Variants in SLC6A12 observed in about 807,000 individuals in gnomAD.
SLC6A12 encodes solute carrier family 6 member 12, also known as sodium- and chloride-dependent betaine transporter.
A neutral mutation model predicts 73.3 loss-of-function variants in SLC6A12; 50 were observed. The ratio of observed to expected loss-of-function variants is 0.68; its 90% CI spans 0.54 to 0.86. The LOEUF (loss-of-function observed/expected upper bound fraction) is 0.86. Among genes scored for constraint, SLC6A12 ranks in the 40% least tolerant of loss-of-function variants. The pLI is 0.00. For missense variants in SLC6A12, 648 were observed against 772.8 expected (o/e 0.84, Z 1.92); for synonymous variants, 304 against 309.2 (o/e 0.98, Z 0.18).
At chr12:184,149 GAAT>G in the SLC6A12 span, among the ~76,000 whole-genome samples, 1 of 151,838 alleles carries the variant, frequency 6.6e-6, no homozygotes, top group Non-Finnish European at 1.5e-5. Flanking sequence ...ACAGATGATT[GAAT>G]ATTAGAAAAA....
At position 196,854 on chromosome 12, in the gene SLC6A12, G is replaced by A. The variant is rs1357300706; in HGVS notation, c.1104C>T (p.Pro368=). The change falls in exon 11 of 16, where the codon CCC becomes CCT. Residue 368 remains proline (P), a synonymous_variant. Transcript: ENST00000684302. ...ATAAGGGCATCATAGTCACAGCCTT[G>A]GGGAAGGCGATGAAGGCCAGCCCAG... The part of the protein sequence containing the change: ...SGPGLAFIAF[P]KAVTMMPLSQ... 1 of 1,613,812 alleles carries A rather than the reference G, an allele frequency of 6.2e-7. No individual in the cohort carries two copies. The highest frequency in any genetic ancestry group is 1.1e-5 in the South Asian group (1 of 91,072).
intron 7 of SLC6A12, among the ~76,000 whole-genome samples, chr12:200,220 T>C (rs558483450): frequency 1.3e-5 from 2 of 149,392 alleles, no homozygotes; most frequent in Admixed American, 6.7e-5. Context: ...GCCATTCTCC[T>C]GCCTCAGCCT....
At chr12:201,662 C>T (rs963011343) in intron 6 of SLC6A12, 100 bp downstream of exon 6, 1 of 932,270 alleles carries the variant, frequency 1.1e-6, no homozygotes, top group African/African-American at 1.6e-5. Flanking sequence ...TGCTGGAAAG[C>T]ACACACAGAA....
chr12:186,306 G>A (rs1018343484), downstream of SLC6A12, among the ~76,000 whole-genome samples: 1 of 152,204 alleles, frequency 6.6e-6, no homozygotes, highest in Admixed American at 6.5e-5. Flanking sequence ...CATGAGAGGA[G>A]CCGAGGCCTT....
At chr12:186,386 T>C (rs1939428473), downstream of SLC6A12, among the ~76,000 whole-genome samples, 1 of 152,180 alleles carries the variant, frequency 6.6e-6, no homozygotes. Flanking sequence ...GGATAGGTAT[T>C]ATCTACTGCT....
intron 14 of SLC6A12, 85 bp downstream of exon 14, chr12:193,192 G>T: frequency 1.1e-6 from 1 of 946,980 alleles, no homozygotes; most frequent in Non-Finnish European, 1.7e-6. Flanking sequence ...TGGGGAAAGA[G>T]CCCTGCATGT....
chr12:192,689 GA>G, intron 14 of SLC6A12, 41 bp from the exon 15 acceptor site: 1 of 1,588,668 alleles, frequency 6.3e-7, no homozygotes, highest in African/African-American at 1.3e-5. Flanking sequence ...GATAGGGGGC[GA>G]CTGAAACCCT....
chr12:185,361 C>T (rs781436105), downstream of SLC6A12, among the ~76,000 whole-genome samples: 8 of 152,218 alleles, frequency 5.3e-5, no homozygotes, highest in East Asian at 1.9e-4. Context: ...TCCCTGTGCC[C>T]GTGTCTTAGT....
Position 200,750 on chromosome 12 carries a change from A to T in SLC6A12, c.612T>A (p.His204Gln). Residue 204 changes from histidine (H) to glutamine (Q), a missense_variant, in exon 7 of 16, where the codon CAT becomes CAA. Physicochemically the swap from His to Gln is conservative, Grantham distance 24 (BLOSUM62 0). Coordinates refer to ENST00000684302, the MANE Select transcript of SLC6A12 (RefSeq NM_001122848.3). ...RRVLGITSGI[H>Q]DLGSLRWELA... ...GCTCCCAGCGCAGGGAGCCCAGGTC[A>T]TGGATGCCCGAGGTGATGCCCAGAA... 1.2e-6 allele frequency: 2 copies of T among 1,614,052 alleles called. No individual in the cohort carries two copies. Among genetic ancestry groups the T allele is most frequent in the Non-Finnish European group, 1.7e-6 (2 of 1,179,982 alleles).
chr12:210,288 G>A (rs947675920), intron 2 of SLC6A12: 7 of 1,192,450 alleles, frequency 5.9e-6, no homozygotes, highest in South Asian at 1.7e-5. Flanking sequence ...GAGTGGAACC[G>A]TGATGAAAAC....
At chr12:186,888 C>T (rs1461513552), downstream of SLC6A12, among the ~76,000 whole-genome samples, 1 of 152,178 alleles carries the variant, frequency 6.6e-6, no homozygotes, top group African/African-American at 2.4e-5. Flanking sequence ...CCTGTGGTAA[C>T]CCTGCTACCA....
At position 192,659 on chromosome 12, in the gene SLC6A12, G is replaced by T; in HGVS notation, c.1531-11C>A. 6.2e-7 allele frequency: 1 copy of T among 1,613,950 alleles called. No homozygotes were observed. Among genetic ancestry groups the T allele is most frequent in the Non-Finnish European group, 8.5e-7 (1 of 1,179,852 alleles). On this transcript the variant is annotated splice_polypyrimidine_tract_variant and intron_variant, in intron 14 of 15. Transcript: ENST00000684302. Reference sequence around the variant, plus strand: ...GAAGAGGAAAGTGGCCTGGGAGAAGGAAGGGGCAGCCATGGGTAAGATAGG... The same window carrying T: ...GAAGAGGAAAGTGGCCTGGGAGAAGTAAGGGGCAGCCATGGGTAAGATAGG...
At chr12:197,183 A>C in intron 10 of SLC6A12, among the ~76,000 whole-genome samples, 194 bp downstream of exon 10, 1 of 60,162 alleles carries the variant, frequency 1.7e-5, no homozygotes. Flanking sequence ...CCATCCATCC[A>C]TCCATCCATC....
chr12:200,705 G>A lies in SLC6A12; in HGVS notation c.657C>T (p.Leu219=), dbSNP rs78685126. 4.8e-4 allele frequency: 779 copies of A among 1,614,138 alleles called. 3 individuals are homozygous for A. The East Asian group carries it at 9.3e-3, about 19-fold the overall frequency. The part of the protein sequence containing the change: ...LRWELALCLL[L]AWVICYFCIW... The stretch of plus-strand genomic sequence containing the variant: ...TGCAGAAATAGCAGATGACCCAGGC[G>A]AGCAGGAGGCACAGGGCCAGCTCCC... Residue 219 remains leucine, a synonymous_variant, in exon 7 of 16, where the codon CTC becomes CTT. Transcript: ENST00000684302.
At chr12:197,280 A>G in intron 10 of SLC6A12, 97 bp downstream of exon 10, 1 of 1,370,278 alleles carries the variant, frequency 7.3e-7, no homozygotes, top group Non-Finnish European at 9.8e-7. Flanking sequence ...AATAAATCAT[A>G]TTGCCCATCT....
chr12:197,867 C>A, intron 9 of SLC6A12, 33 bp downstream of exon 9: 2 of 1,362,024 alleles, frequency 1.5e-6, no homozygotes, highest in Non-Finnish European at 2.1e-6. Context: ...CCCCAACCCT[C>A]CTTCACCCCA....
chr12:208,218 T>C (rs74592615), intron 3 of SLC6A12, among the ~76,000 whole-genome samples: 6,854 of 152,238 alleles, frequency 0.045, 336 homozygotes, highest in African/African-American at 0.12. Context: ...TGGCCCTGGA[T>C]GAAGAAGGAA....
At chr12:193,185 G>A in intron 14 of SLC6A12, 92 bp downstream of exon 14, 4 of 909,656 alleles carry the variant, frequency 4.4e-6, no homozygotes, top group South Asian at 2.7e-5. Flanking sequence ...GGACAGGTGG[G>A]GAAAGAGCCC....
chr12:190,269 G>A lies in SLC6A12; in HGVS notation c.*799C>T, dbSNP rs753383847. The A allele has an allele frequency of 3.3e-5, 5 of 152,320 alleles. No individual in the cohort carries two copies. The highest frequency in any genetic ancestry group is 3.4e-3 in the Middle Eastern group (1 of 296). 9.4% of individuals were successfully genotyped at this position (152,320 alleles called of 1,614,324 possible). The stretch of plus-strand genomic sequence containing the variant: ...CTCATCCATGAAGTCAGGGGTTTGC[G>A]TTAGAAGCAGGATGGCAAATGGTGC... On this transcript the variant is annotated 3_prime_UTR_variant, in exon 16 of 16. Coordinates refer to ENST00000684302, the MANE Select transcript of SLC6A12 (RefSeq NM_001122848.3).
Sources: gnomAD v4.1 joint callset for allele counts (sites outside exome capture counted in the v4.1 genomes callset) on GRCh38, gnomAD v4.1.1 for gene constraint, MANE v1.5 for transcripts, NCBI Gene and HGNC (gene_info 2026-07-23, HGNC 2026-07-21) for gene names.